ALDH7A1: variants seen among roughly 807,000 people sequenced by gnomAD.
The protein encoded by ALDH7A1 is alpha-aminoadipic semialdehyde dehydrogenase.
ALDH7A1 carries 63 observed loss-of-function variants against 79.9 expected under a neutral mutation model. The ratio of observed to expected loss-of-function variants is 0.79; its 90% CI spans 0.64 to 0.97. The LOEUF (loss-of-function observed/expected upper bound fraction) is 0.97. ALDH7A1 is among the 50% of genes least tolerant of loss of function. The pLI, the probability that ALDH7A1 is intolerant of heterozygous loss-of-function variation, is 0.00. For missense variants in ALDH7A1, 627 were observed against 665.2 expected (o/e 0.94, Z 0.63); for synonymous variants, 240 against 231.2 (o/e 1.04, Z -0.34).
chr5:126,578,123 T>G (rs1026870567), intron 5 of ALDH7A1, among the ~76,000 whole-genome samples: 15 of 151,116 alleles, frequency 9.9e-5, no homozygotes, highest in South Asian at 2.1e-4. Context: ...ACCCTGTCTC[T>G]ACTGAAAAAA....
chr5:126,568,193 T>C, intron 9 of ALDH7A1, 66 bp downstream of exon 9: 1 of 1,529,804 alleles, frequency 6.5e-7, no homozygotes, highest in Non-Finnish European at 9.1e-7. Context: ...AAACAAAAAC[T>C]CAACTTTTAG....
rs760342207 is a variant in ALDH7A1, at chr5:126,554,270, C to G, written c.1200+17G>C. On this transcript the variant is annotated intron_variant, in intron 13 of 17. Coordinates refer to ENST00000409134, the MANE Select transcript of ALDH7A1 (RefSeq NM_001182.5). ...AGGTTAAAAAGCTGTCACAATTGATCTCAGAGCATCCCTTACCTTGCCCCC... is the reference window on the plus strand; with the variant it reads ...AGGTTAAAAAGCTGTCACAATTGATGTCAGAGCATCCCTTACCTTGCCCCC... The G allele has an allele frequency of 1.1e-5, 18 of 1,608,730 alleles. No individual in the cohort carries two copies. Among genetic ancestry groups the G allele is most frequent in the Non-Finnish European group, 1.5e-5 (18 of 1,175,714 alleles).
chr5:126,595,126 G>C lies in ALDH7A1; in HGVS notation c.73C>G (p.Pro25Ala), dbSNP rs762624752. ...TSKLSGPWSR[P>A]AAFMSTLLIN... Reference sequence around the variant, plus strand: ...AGGAGAGTGGACATGAAGGCGGCAGGCCTGCTCCAAGGTCCAGAGAGCTTG... The same window carrying C: ...AGGAGAGTGGACATGAAGGCGGCAGCCCTGCTCCAAGGTCCAGAGAGCTTG... The change falls in exon 1 of 18, where the codon CCT (proline) becomes GCT (alanine). Residue 25 changes from proline (P) to alanine (A), a missense_variant. Coordinates refer to ENST00000409134, the MANE Select transcript of ALDH7A1 (RefSeq NM_001182.5). 1 of 1,576,684 alleles carries C rather than the reference G, an allele frequency of 6.3e-7. No homozygotes were observed. Among genetic ancestry groups the C allele is most frequent in the Non-Finnish European group, 8.6e-7 (1 of 1,160,504 alleles).
intron 13 of ALDH7A1, among the ~76,000 whole-genome samples, chr5:126,553,742 G>A (rs1750080870): frequency 1.3e-5 from 2 of 152,028 alleles, no homozygotes; most frequent in African/African-American, 4.8e-5. Context: ...AGTCCAGGAG[G>A]AAGAGGGTGC....
In ALDH7A1 at chr5:126,593,389, A is replaced by G. The variant is rs768706976; in HGVS notation, c.208T>C (p.Cys70Arg). 6.2e-7 allele frequency: 1 copy of G among 1,613,740 alleles called. No homozygotes were observed. Among genetic ancestry groups the G allele is most frequent in the South Asian group, 1.1e-5 (1 of 91,064 alleles). Residue 70 changes from cysteine to arginine, a missense_variant, in exon 2 of 18, where the codon TGC becomes CGC. By Grantham distance (180) the Cys-to-Arg change is radical. Transcript: ENST00000409134. ...GGRGEVITTY[C>R]PANNEPIARV... is the part of the protein sequence containing the mutation. ...GCTATTGGCTCGTTGTTAGCAGGGCAATAGGTCGTAATAACCTTAAAACAA... is the reference window on the plus strand; with the variant it reads ...GCTATTGGCTCGTTGTTAGCAGGGCGATAGGTCGTAATAACCTTAAAACAA...
chr5:126,577,283 C>T (rs927987177), intron 5 of ALDH7A1, 72 bp from the exon 6 acceptor site: 15 of 1,579,948 alleles, frequency 9.5e-6, no homozygotes, highest in East Asian at 9.1e-5. Flanking sequence ...TAAGAACAAA[C>T]GTACAGCAGA....
chr5:126,583,118 CACA>C (rs1268237038), intron 4 of ALDH7A1, 144 bp from the exon 5 acceptor site: 8 of 1,038,548 alleles, frequency 7.7e-6, no homozygotes, highest in South Asian at 1.4e-5. Context: ...AATTTTAAAA[CACA>C]ACAATTGCCT....
At chr5:126,581,433 C>G (rs78019446) in intron 5 of ALDH7A1, 1 of 148,662 alleles carries the variant, frequency 6.7e-6, no homozygotes, top group South Asian at 2.1e-4. Flanking sequence ...CCCCGGAGTT[C>G]GAGACCAGCT....
intron 5 of ALDH7A1, among the ~76,000 whole-genome samples, chr5:126,582,380 CTTCACAAACA>C (rs1751207536): frequency 6.6e-6 from 1 of 152,104 alleles, no homozygotes; most frequent in Non-Finnish European, 1.5e-5. Context: ...GGAAGACAAC[CTTCACAAACA>C]TTATTTTTAG....
At chr5:126,585,907 T>C (rs1751345911) in intron 3 of ALDH7A1, among the ~76,000 whole-genome samples, 1 of 152,166 alleles carries the variant, frequency 6.6e-6, no homozygotes, top group Non-Finnish European at 1.5e-5. Context: ...TACATAAGTA[T>C]GCAAAAGTAT....
chr5:126,552,342 G>T (rs903623915), intron 13 of ALDH7A1, among the ~76,000 whole-genome samples: 1 of 152,136 alleles, frequency 6.6e-6, no homozygotes, highest in Non-Finnish European at 1.5e-5. Context: ...AGAGAAAAAT[G>T]GAAATAAGGA....
At chr5:126,581,695 T>G (rs551110842) in intron 5 of ALDH7A1, 94 of 157,498 alleles carry the variant, frequency 6.0e-4, no homozygotes, top group African/African-American at 2.2e-3. Flanking sequence ...ACGTACAGTT[T>G]GCGGCCGGGC....
chr5:126,576,262 C>CAAAAAAAAAAAAAAAAAA (rs35284915), intron 6 of ALDH7A1, among the ~76,000 whole-genome samples: 2 of 89,244 alleles, frequency 2.2e-5, no homozygotes, highest in African/African-American at 4.7e-5. Flanking sequence ...GACTCTGTCA[C>CAAAAAAAAAAAAAAAAAA]AAAAAAAAAA....
At chr5:126,572,994 A>C (rs1401260700) in intron 7 of ALDH7A1, among the ~76,000 whole-genome samples, 1 of 152,136 alleles carries the variant, frequency 6.6e-6, no homozygotes, top group Non-Finnish European at 1.5e-5. Flanking sequence ...ATTCCAGCAA[A>C]ATTTAGCATC....
intron 13 of ALDH7A1, among the ~76,000 whole-genome samples, chr5:126,552,551 C>A (rs532293893): frequency 1.3e-5 from 2 of 151,976 alleles, no homozygotes; most frequent in African/African-American, 4.8e-5. Context: ...CACCACCATG[C>A]CCAGCTAAAT....
chr5:126,586,703 T>G (rs1202121463), intron 3 of ALDH7A1: 1 of 152,266 alleles, frequency 6.6e-6, no homozygotes, highest in Non-Finnish European at 1.5e-5. Context: ...TGCCAGGTGT[T>G]GTGAAGAGGT....
At chr5:126,588,853 G>C (rs1251420016) in intron 3 of ALDH7A1, 1 of 152,336 alleles carries the variant, frequency 6.6e-6, no homozygotes, top group Non-Finnish European at 1.5e-5. Context: ...GACCAGCCTA[G>C]GCAACAGAGC....
At chr5:126,592,590 A>T in intron 3 of ALDH7A1, 74 bp downstream of exon 3, 1 of 1,454,704 alleles carries the variant, frequency 6.9e-7, no homozygotes, top group Non-Finnish European at 9.6e-7. Flanking sequence ...TGCTTATCAG[A>T]TGTTTATGTA....
chr5:126,566,918 T>C (rs1022569574), intron 9 of ALDH7A1, among the ~76,000 whole-genome samples: 2 of 152,194 alleles, frequency 1.3e-5, no homozygotes, highest in African/African-American at 4.8e-5. Context: ...GTGTAAAAAG[T>C]AAAGTAGAGC....
Sources: allele counts gnomAD v4.1 joint callset (sites outside exome capture counted in the v4.1 genomes callset), GRCh38; gene constraint gnomAD v4.1.1; transcripts MANE v1.5; gene names NCBI Gene and HGNC (gene_info 2026-07-23, HGNC 2026-07-21).